The following ZSWIM6 variants were observed in gnomAD, a reference collection of about 807,000 sequenced individuals.
The protein encoded by ZSWIM6 is zinc finger SWIM-type containing 6.
A neutral mutation model predicts 113.2 loss-of-function variants in ZSWIM6; 9 were observed. That is an observed-to-expected ratio of 0.08 (90% CI 0.05 to 0.14). The LOEUF is 0.14. ZSWIM6 is among the 10% of genes least tolerant of loss of function. The pLI is 1.00. For synonymous variants in ZSWIM6, 611 were observed against 606.5 expected (o/e 1.01, Z -0.11); for missense variants, 1,162 against 1,552.2 (o/e 0.75, Z 4.22).
At chr5:61,525,228 A>G (rs996966864) in intron 5 of ZSWIM6, among the ~76,000 whole-genome samples, 9 of 152,226 alleles carry the variant, frequency 5.9e-5, no homozygotes, top group Non-Finnish European at 1.3e-4. Context: ...CCTTTGGGAT[A>G]TAAAGTGATA....
At chr5:61,436,030 C>T (rs749332484) in intron 1 of ZSWIM6, among the ~76,000 whole-genome samples, 8 of 152,120 alleles carry the variant, frequency 5.3e-5, no homozygotes, top group Non-Finnish European at 1.0e-4. Context: ...GGAGAAACCC[C>T]GTCTCTACCA....
intron 1 of ZSWIM6, among the ~76,000 whole-genome samples, chr5:61,417,059 T>C (rs1746273540): frequency 2.0e-5 from 3 of 152,164 alleles, no homozygotes; most frequent in Admixed American, 1.3e-4. Flanking sequence ...GGAGAATTGC[T>C]TGAACCCGGG....
intron 1 of ZSWIM6, among the ~76,000 whole-genome samples, chr5:61,367,435 T>A (rs1052646436): frequency 3.3e-5 from 5 of 152,122 alleles, no homozygotes; most frequent in African/African-American, 9.7e-5. Flanking sequence ...CAAAGGTTTT[T>A]TAGAGATGGG....
chr5:61,395,869 G>T (rs1296749755), intron 1 of ZSWIM6, among the ~76,000 whole-genome samples: 1 of 152,060 alleles, frequency 6.6e-6, no homozygotes, highest in African/African-American at 2.4e-5. Context: ...GCAGGTGGGG[G>T]TGTAGTGGGC....
chr5:61,360,039 T>C (rs1355831448), intron 1 of ZSWIM6, among the ~76,000 whole-genome samples: 4 of 151,814 alleles, frequency 2.6e-5, no homozygotes, highest in African/African-American at 9.7e-5. Context: ...TGTAAATGAA[T>C]GTTGATTGTT....
At chr5:61,334,138 A>C (rs1257936978) in intron 1 of ZSWIM6, among the ~76,000 whole-genome samples, 5 of 152,256 alleles carry the variant, frequency 3.3e-5, no homozygotes, top group African/African-American at 1.2e-4. Context: ...CTTGTGATTT[A>C]GAGCTGCACA....
In ZSWIM6 at chr5:61,535,524, G is replaced by C; in HGVS notation, c.2286G>C (p.Glu762Asp). The change falls in exon 10 of 14, where the codon GAG (glutamate) becomes GAC (aspartate). Residue 762 changes from glutamate to aspartate, a missense_variant. By Grantham distance (45) the Glu-to-Asp change is conservative. Coordinates refer to ENST00000252744, the MANE Select transcript of ZSWIM6 (RefSeq NM_020928.2). ...GTTTAGGTGAAATAATCCATCGGGA[G>C]AGCGTTCCAATGCACACATTTGCCA... ...YSGLGEIIHR[E>D]SVPMHTFAKY... 1 of 1,551,382 alleles carries C rather than the reference G, an allele frequency of 6.4e-7. No individual in the cohort carries two copies. The highest frequency in any genetic ancestry group is 2.4e-5 in the East Asian group (1 of 40,900).
At chr5:61,352,901 T>C (rs1744822738) in intron 1 of ZSWIM6, among the ~76,000 whole-genome samples, 1 of 152,172 alleles carries the variant, frequency 6.6e-6, no homozygotes, top group African/African-American at 2.4e-5. Flanking sequence ...TTCTCTTCTT[T>C]CCTGTCTTGT....
At chr5:61,457,826 T>A (rs547169858) in intron 1 of ZSWIM6, among the ~76,000 whole-genome samples, 102 of 152,202 alleles carry the variant, frequency 6.7e-4, no homozygotes, top group African/African-American at 2.3e-3. Context: ...CCCAGCCCCA[T>A]ATATCTTTTG....
chr5:61,496,855 A>C (rs986978920), intron 4 of ZSWIM6, among the ~76,000 whole-genome samples: 1 of 152,184 alleles, frequency 6.6e-6, no homozygotes, highest in Non-Finnish European at 1.5e-5. Context: ...GACAAATTAA[A>C]TGAAAAAAAT....
intron 4 of ZSWIM6, among the ~76,000 whole-genome samples, chr5:61,515,795 C>T (rs964245827): frequency 2.0e-5 from 3 of 152,214 alleles, no homozygotes; most frequent in Admixed American, 2.0e-4. Flanking sequence ...GTCTGTTTCT[C>T]CTTTAAGCTC....
At chr5:61,462,633 C>T (rs1162516816) in intron 1 of ZSWIM6, among the ~76,000 whole-genome samples, 3 of 152,186 alleles carry the variant, frequency 2.0e-5, no homozygotes, top group Admixed American at 1.3e-4. Flanking sequence ...CTTACACTAA[C>T]GGGCTAGGGT....
intron 1 of ZSWIM6, among the ~76,000 whole-genome samples, chr5:61,464,563 A>G (rs1747394436): frequency 6.6e-6 from 1 of 152,096 alleles, no homozygotes; most frequent in Admixed American, 6.5e-5. Context: ...GCAAGGCATT[A>G]GGAATGGTTA....
chr5:61,490,652 A>C lies in ZSWIM6; in HGVS notation c.1034-134A>C, dbSNP rs1748155032. The C allele has an allele frequency of 3.6e-6, 3 of 832,826 alleles. No homozygotes were observed. In the East Asian group the frequency reaches 8.9e-5, roughly 25 times the overall value. 51.6% of individuals were successfully genotyped at this position (832,826 alleles called of 1,614,324 possible). ...GGAAATAAGAGTGATCCTTGTATTT[A>C]GTTTGTCACAAATTTGTATGTATAA... On this transcript the variant is annotated intron_variant, in intron 2 of 13. Transcript: ENST00000252744.
chr5:61,538,486 AAAAGT>A (rs1312345221), intron 10 of ZSWIM6, among the ~76,000 whole-genome samples: 1 of 152,232 alleles, frequency 6.6e-6, no homozygotes, highest in East Asian at 1.9e-4. Flanking sequence ...ACCTGTGTTT[AAAAGT>A]TCTTCGGTGT....
intron 1 of ZSWIM6, among the ~76,000 whole-genome samples, chr5:61,406,090 T>C (rs1385382780): frequency 6.6e-6 from 1 of 152,192 alleles, no homozygotes; most frequent in Non-Finnish European, 1.5e-5. Flanking sequence ...GCAGAATTTC[T>C]CTTCCCTCCA....
At chr5:61,525,076 T>A (rs1749240871) in intron 5 of ZSWIM6, among the ~76,000 whole-genome samples, 1 of 152,198 alleles carries the variant, frequency 6.6e-6, no homozygotes, top group Non-Finnish European at 1.5e-5. Context: ...TGCCCTGGCA[T>A]ACACTATGCT....
intron 1 of ZSWIM6, among the ~76,000 whole-genome samples, chr5:61,435,029 G>T (rs1316465790): frequency 6.6e-6 from 1 of 152,056 alleles, no homozygotes; most frequent in Non-Finnish European, 1.5e-5. Flanking sequence ...CCTTGTACTG[G>T]AAACCGAGAG....
intron 1 of ZSWIM6, among the ~76,000 whole-genome samples, chr5:61,387,484 T>C (rs1331130539): frequency 1.3e-5 from 2 of 152,196 alleles, no homozygotes; most frequent in East Asian, 1.9e-4. Flanking sequence ...GGCAATGTGG[T>C]GAAACCCCAT....
Sources: allele counts gnomAD v4.1 joint callset (sites outside exome capture counted in the v4.1 genomes callset), GRCh38; gene constraint gnomAD v4.1.1; transcripts MANE v1.5; gene names NCBI Gene and HGNC (gene_info 2026-07-23, HGNC 2026-07-21).